Variants in LMBR1 observed in about 807,000 individuals in gnomAD.
LMBR1 encodes limb development membrane protein 1.
In LMBR1, 52 loss-of-function variants were observed where a neutral mutation model predicts 73.9. That is an observed-to-expected ratio of 0.70 (90% CI 0.56 to 0.89). The LOEUF (loss-of-function observed/expected upper bound fraction) is 0.89, where lower values mean the gene tolerates loss of function less well. Ranked by LOEUF, LMBR1 falls within the 40% of genes least tolerant of loss-of-function variation. The probability of loss-of-function intolerance (pLI) is 0.00; values close to 1 mark genes in which losing one functional copy is unlikely to be tolerated. For missense variants in LMBR1, 539 were observed against 579.8 expected (o/e 0.93, Z 0.72); for synonymous variants, 215 against 209.4 (o/e 1.03, Z -0.23).
chr7:156,698,550 C>G (rs377620081), intron 15 of LMBR1, among the ~76,000 whole-genome samples: 73 of 152,282 alleles, frequency 4.8e-4, no homozygotes, highest in Admixed American at 2.7e-3. Flanking sequence ...TTCCGTGCAC[C>G]ACACGCTCAA....
chr7:156,799,440 G>C (rs1457896316), intron 4 of LMBR1, among the ~76,000 whole-genome samples: 3 of 152,142 alleles, frequency 2.0e-5, no homozygotes, highest in Non-Finnish European at 4.4e-5. Context: ...TATGACCAGT[G>C]ATCTTTGATG....
At chr7:156,749,292 T>C (rs1451075283) in intron 9 of LMBR1, among the ~76,000 whole-genome samples, 1 of 152,208 alleles carries the variant, frequency 6.6e-6, no homozygotes, top group Non-Finnish European at 1.5e-5. Context: ...AAGTGTGTTA[T>C]ATGAAAGAAT....
chr7:156,782,602 T>C (rs1827346763), intron 5 of LMBR1, among the ~76,000 whole-genome samples: 2 of 152,148 alleles, frequency 1.3e-5, no homozygotes, highest in African/African-American at 4.8e-5. Context: ...TGGAGTGCAG[T>C]GGTACAATCT....
chr7:156,881,958 G>A (rs1801162395), intron 1 of LMBR1, among the ~76,000 whole-genome samples: 1 of 152,166 alleles, frequency 6.6e-6, no homozygotes, highest in Non-Finnish European at 1.5e-5. Flanking sequence ...GTATGATTCA[G>A]CAATCTCCCT....
chr7:156,751,515 A>C (rs1165328304), intron 9 of LMBR1, among the ~76,000 whole-genome samples: 1 of 152,142 alleles, frequency 6.6e-6, no homozygotes, highest in Admixed American at 6.5e-5. Flanking sequence ...CTTGGAGCAA[A>C]TAAGTGGGAA....
intron 5 of LMBR1, among the ~76,000 whole-genome samples, chr7:156,790,834 T>G (rs1485670666): frequency 6.6e-6 from 1 of 152,220 alleles, no homozygotes. Context: ...ACTTTCCTAT[T>G]TCTTTCTGAG....
intron 16 of LMBR1, among the ~76,000 whole-genome samples, chr7:156,686,215 T>A (rs1387389259): frequency 6.6e-6 from 1 of 152,202 alleles, no homozygotes; most frequent in Non-Finnish European, 1.5e-5. Flanking sequence ...AGGTTATGCA[T>A]TCTGAAACGT....
downstream of LMBR1, chr7:156,675,840 G>C (rs367676262): frequency 9.8e-5 from 158 of 1,613,808 alleles, no homozygotes; most frequent in Non-Finnish European, 1.3e-4. Context: ...CACAGAAGAG[G>C]AATGGGAGAA....
At chr7:156,689,997 C>G (rs527931020) in intron 15 of LMBR1, among the ~76,000 whole-genome samples, 1 of 152,210 alleles carries the variant, frequency 6.6e-6, no homozygotes, top group East Asian at 1.9e-4. Context: ...CTTTGAGAAT[C>G]TGCTGAGAGC....
At chr7:156,769,695 G>A (rs1824814438) in intron 5 of LMBR1, among the ~76,000 whole-genome samples, 1 of 152,228 alleles carries the variant, frequency 6.6e-6, no homozygotes, top group African/African-American at 2.4e-5. Context: ...CAAGAGGCAT[G>A]AGTGCCAGCA....
chr7:156,687,917 CCT>C (rs1204971650), intron 16 of LMBR1, 111 bp downstream of exon 16: 18 of 971,426 alleles, frequency 1.9e-5, no homozygotes, highest in African/African-American at 1.7e-4. Flanking sequence ...AATAATTTGA[CCT>C]CTAAGGTTTT....
rs1803463387 is a variant in LMBR1, at chr7:156,893,039, C to T, written c.-46G>A. ...GCGCCGCCCGCGTCCGCGTGCTCCG[C>T]CACACCATCGTCCGCCCGCCGCAGG... On this transcript the variant is annotated 5_prime_UTR_variant, in exon 1 of 17. The change creates a premature stop within an existing upstream ORF in the 5' untranslated region. Transcript: ENST00000353442. The T allele has an allele frequency of 2.1e-6, 3 of 1,427,676 alleles. No homozygotes were observed. Among genetic ancestry groups the T allele is most frequent in the East Asian group, 3.1e-5 (1 of 32,516 alleles). The allele number at this position is 1,427,676 out of a possible 1,614,324, so 88.4% of individuals were successfully genotyped here.
At chr7:156,875,900 T>C (rs994909220) in intron 1 of LMBR1, among the ~76,000 whole-genome samples, 4 of 110,538 alleles carry the variant, frequency 3.6e-5, no homozygotes, top group African/African-American at 1.4e-4. Flanking sequence ...AAAACAAAAA[T>C]ACAATTAAAA....
intron 15 of LMBR1, among the ~76,000 whole-genome samples, chr7:156,689,451 T>C (rs1259370798): frequency 6.6e-6 from 1 of 152,238 alleles, no homozygotes; most frequent in Non-Finnish European, 1.5e-5. Context: ...ACCTTTGAGC[T>C]GAACTCTAAT....
intron 4 of LMBR1, among the ~76,000 whole-genome samples, chr7:156,813,897 CAAAG>C (rs1253159063): frequency 1.3e-5 from 2 of 152,032 alleles, no homozygotes; most frequent in African/African-American, 4.8e-5. Flanking sequence ...CTTTTCCAGA[CAAAG>C]AATTGTTTTA....
rs1400656698 is a variant in LMBR1, at chr7:156,766,371, T to A, written c.424-2576A>T. ...TTCCCCAGCTGTGATACAGGCCCAC[T>A]GTGGGGCTTGGGTTCAAGGGCAACT... On this transcript the variant is annotated intron_variant, in intron 5 of 16. Transcript: ENST00000353442. 7.2e-5 allele frequency among the ~76,000 whole-genome samples: 11 copies of A among 152,120 alleles called. 1 individual carries two copies. The highest frequency in any genetic ancestry group is 7.3e-5 in the Non-Finnish European group (5 of 68,032).
At chr7:156,712,650 G>A (rs562352248) in intron 15 of LMBR1, among the ~76,000 whole-genome samples, 1 of 152,018 alleles carries the variant, frequency 6.6e-6, no homozygotes, top group South Asian at 2.1e-4. Flanking sequence ...AAGAAAATGT[G>A]GTATAAAAAC....
intron 5 of LMBR1, among the ~76,000 whole-genome samples, chr7:156,769,392 T>C (rs866771464): frequency 1.3e-5 from 2 of 152,124 alleles, no homozygotes. Context: ...TTCAGACTCA[T>C]TACAGGTAGG....
intron 15 of LMBR1, among the ~76,000 whole-genome samples, chr7:156,719,777 C>A (rs1340749519): frequency 6.6e-6 from 1 of 152,116 alleles, no homozygotes; most frequent in Non-Finnish European, 1.5e-5. Context: ...TGGAATAGAA[C>A]AGAGCCCTCA....
Sources: gnomAD v4.1 joint callset for allele counts (sites outside exome capture counted in the v4.1 genomes callset) on GRCh38, gnomAD v4.1.1 for gene constraint, MANE v1.5 for transcripts, NCBI Gene and HGNC (gene_info 2026-07-23, HGNC 2026-07-21) for gene names.